Variants in IRAG2 observed in about 807,000 individuals in gnomAD.
IRAG2 encodes the protein inositol 1,4,5-triphosphate receptor associated 2, also known as lymphoid restricted membrane protein.
In IRAG2, 45 loss-of-function variants were observed where a neutral mutation model predicts 69.9. The ratio of observed to expected loss-of-function variants is 0.64; its 90% confidence interval spans 0.51 to 0.83. The LOEUF (loss-of-function observed/expected upper bound fraction) is 0.83. Ranked by LOEUF, IRAG2 falls within the 40% of genes least tolerant of loss-of-function variation. The pLI is 0.00. For synonymous variants in IRAG2, 193 were observed against 202.4 expected (o/e 0.95, Z 0.40); for missense variants, 520 against 587.0 (o/e 0.89, Z 1.18).
chr12:25,011,881 C>T (rs141610496), intron 3 of IRAG2, among the ~76,000 whole-genome samples: 22 of 152,260 alleles, frequency 1.4e-4, no homozygotes, highest in African/African-American at 4.1e-4. Flanking sequence ...GAGAATTGAG[C>T]TGACATACGA....
rs746203247 is a variant in IRAG2, at chr12:25,059,363, TC to T, written c.-446-2225del. ...TAGGTTAGAAATACTTATTTTTTTTTCCCCTGAGACAGAGTCTTGCTCTGTC... is the reference window on the plus strand; with the variant it reads ...TAGGTTAGAAATACTTATTTTTTTTTCCCTGAGACAGAGTCTTGCTCTGTC... On this transcript the variant is annotated intron_variant, in intron 1 of 21. Transcript: ENST00000556887. Among the ~76,000 whole-genome samples, 6 of 152,270 alleles carry T rather than the reference TC, an allele frequency of 3.9e-5. No homozygotes were observed. The East Asian group carries it at 9.7e-4, about 24-fold the overall frequency.
At position 25,101,314 on chromosome 12, in the gene IRAG2, T is replaced by C. The variant is rs751217489; in HGVS notation, c.878T>C (p.Leu293Pro). The C allele has an allele frequency of 6.3e-6, 10 of 1,593,274 alleles. No individual in the cohort carries two copies. In the African/African-American group the frequency reaches 1.4e-4, roughly 22 times the overall value. Residue 293 changes from leucine (L) to proline (P), a missense_variant, in exon 16 of 22, where the codon CTT (leucine) becomes CCT (proline). Physicochemically the swap from Leu to Pro is moderately conservative, Grantham distance 98 (BLOSUM62 -3). Transcript: ENST00000556887. Reference sequence around the variant, plus strand: ...CAGAATGAAAGGTCTTTCAATCCTCTTGAAGATGATGGTAATAAAAGTTTA... The same window carrying C: ...CAGAATGAAAGGTCTTTCAATCCTCCTGAAGATGATGGTAATAAAAGTTTA... The part of the protein sequence containing the change: ...LLQNERSFNP[L>P]EDDDDCQIKK...
At chr12:25,072,643 G>GGA (rs1356375332) in intron 6 of IRAG2, among the ~76,000 whole-genome samples, 3 of 152,130 alleles carry the variant, frequency 2.0e-5, no homozygotes, top group East Asian at 3.8e-4. Flanking sequence ...TCATCCCAGT[G>GGA]GACACCCCAG....
intron 3 of IRAG2, among the ~76,000 whole-genome samples, chr12:25,014,862 C>G (rs72480019): frequency 0.021 from 3,169 of 151,464 alleles, 44 homozygotes; most frequent in East Asian, 0.085. Context: ...CCTAATCATA[C>G]GCTGCCTGTG....
At chr12:25,018,193 C>CTT (rs56659655) in intron 6 of IRAG2, among the ~76,000 whole-genome samples, 67,160 of 105,692 alleles carry the variant, frequency 0.64, 25,599 homozygotes, top group South Asian at 0.82. Flanking sequence ...TTTCTTTCTT[C>CTT]TTTTTTTTTT....
intron 6 of IRAG2, among the ~76,000 whole-genome samples, chr12:25,077,341 A>T (rs859139): frequency 0.03 from 1,623 of 54,806 alleles, 176 homozygotes; most frequent in Non-Finnish European, 0.043. Context: ...ATATATATGA[A>T]ATATATATAT....
At chr12:25,083,591 C>A in intron 10 of IRAG2, 98 bp downstream of exon 10, 2 of 708,454 alleles carry the variant, frequency 2.8e-6, no homozygotes, top group Admixed American at 3.0e-5. Context: ...TCTCATTTAT[C>A]CTTTCAAAAT....
intron 13 of IRAG2, among the ~76,000 whole-genome samples, chr12:25,034,130 C>T (rs545680601): frequency 9.2e-5 from 14 of 152,252 alleles, no homozygotes; most frequent in South Asian, 6.2e-4. Context: ...TTTCAAGTTA[C>T]GGCCGAAAGC....
chr12:25,021,247 G>A (rs1944577906), intron 7 of IRAG2, among the ~76,000 whole-genome samples: 1 of 151,626 alleles, frequency 6.6e-6, no homozygotes, highest in Non-Finnish European at 1.5e-5. Flanking sequence ...TGGGATTATA[G>A]GCATGAGCCA....
intron 10 of IRAG2, 56 bp from the exon 11 acceptor site, chr12:25,088,044 G>T (rs1947762489): frequency 1.4e-5 from 18 of 1,279,106 alleles, no homozygotes; most frequent in Non-Finnish European, 1.8e-5. Context: ...GTAGGAAAAT[G>T]ACTGGTTATG....
chr12:25,041,357 T>C (rs1591935328), intron 16 of IRAG2, among the ~76,000 whole-genome samples: 1 of 152,338 alleles, frequency 6.6e-6, no homozygotes, highest in East Asian at 1.9e-4. Context: ...TGTTTTGTTT[T>C]TGTTTGTTTT....
At chr12:25,044,373 AAGAC>A (rs145514419) in intron 16 of IRAG2, among the ~76,000 whole-genome samples, 5,584 of 152,102 alleles carry the variant, frequency 0.037, 269 homozygotes, top group African/African-American at 0.12. Context: ...AAATAACTAC[AAGAC>A]AGACAGAAAA....
At position 25,066,361 on chromosome 12, in the gene IRAG2, G is replaced by A; in HGVS notation, c.-206-4G>A. 3 of 400,970 alleles carry A rather than the reference G, an allele frequency of 7.5e-6. No individual in the cohort carries two copies. The highest frequency in any genetic ancestry group is 1.3e-5 in the Non-Finnish European group (3 of 226,144). The allele number at this position is 400,970 out of a possible 1,614,324, so 24.8% of individuals were successfully genotyped here. A position where few individuals can be genotyped will look rare whatever the true frequency, so the allele number is the denominator to read the frequency against. On this transcript the variant is annotated splice_region_variant and splice_polypyrimidine_tract_variant and intron_variant, in intron 4 of 21. Coordinates refer to ENST00000556887, the MANE Select transcript of IRAG2 (RefSeq NM_001366544.2). The stretch of plus-strand genomic sequence containing the variant: ...TATTTTTATTTTTTTCTGTTCTACT[G>A]CAGATGCCTTATCTCTGGATAGTTT...
intron 9 of IRAG2, among the ~76,000 whole-genome samples, chr12:25,029,928 T>C (rs1327318585): frequency 6.6e-6 from 1 of 152,202 alleles, no homozygotes; most frequent in East Asian, 1.9e-4. Context: ...ACTTTTTATT[T>C]TCACCAAAAA....
intron 10 of IRAG2, among the ~76,000 whole-genome samples, chr12:25,031,660 G>GTTTGTT (rs1055758834): frequency 2.6e-5 from 4 of 151,938 alleles, no homozygotes; most frequent in African/African-American, 7.3e-5. Flanking sequence ...GTGTGTGTGT[G>GTTTGTT]TTTGTTTTTG....
intron 6 of IRAG2, among the ~76,000 whole-genome samples, chr12:25,073,772 C>T (rs897517353): frequency 2.0e-5 from 3 of 152,130 alleles, no homozygotes; most frequent in Admixed American, 6.6e-5. Flanking sequence ...CAAATTATTT[C>T]CAGTCCTTAT....
exon 1 of IRAG2, chr12:25,004,372 C>A: frequency 8.1e-7 from 1 of 1,232,112 alleles, no homozygotes; most frequent in Non-Finnish European, 1.0e-6. Flanking sequence ...AACTGAGAAG[C>A]GGCATAACCC....
intron 10 of IRAG2, among the ~76,000 whole-genome samples, chr12:25,031,958 A>T (rs554278630): frequency 6.6e-6 from 1 of 152,204 alleles, no homozygotes; most frequent in Non-Finnish European, 1.5e-5. Context: ...CACCACGCCC[A>T]GCCGTCCTTG....
At chr12:25,028,307 T>C (rs565000276) in intron 9 of IRAG2, among the ~76,000 whole-genome samples, 1 of 152,356 alleles carries the variant, frequency 6.6e-6, no homozygotes, top group Admixed American at 6.5e-5. Flanking sequence ...CAGCAGTGCA[T>C]GAGGGCTCAA....
Sources: gnomAD v4.1 joint callset for allele counts (sites outside exome capture counted in the v4.1 genomes callset) on GRCh38, gnomAD v4.1.1 for gene constraint, MANE v1.5 for transcripts, NCBI Gene and HGNC (gene_info 2026-07-23, HGNC 2026-07-21) for gene names.